MTHFD1L: variants seen among roughly 807,000 people sequenced by gnomAD.
MTHFD1L encodes the protein monofunctional C1-tetrahydrofolate synthase, mitochondrial.
Under a neutral mutation model 119.5 loss-of-function variants are expected in MTHFD1L, and 81 were observed. The ratio of observed to expected loss-of-function variants is 0.68; its 90% confidence interval spans 0.57 to 0.82. MTHFD1L has a LOEUF of 0.82. MTHFD1L is among the 40% of genes least tolerant of loss of function. The pLI is 0.00. For missense variants in MTHFD1L, 1,125 were observed against 1,253.4 expected (o/e 0.90, Z 1.55); for synonymous variants, 430 against 475.2 (o/e 0.90, Z 1.24).
chr6:150,989,046 G>A (rs549485693), intron 20 of MTHFD1L, among the ~76,000 whole-genome samples: 2 of 152,162 alleles, frequency 1.3e-5, no homozygotes, highest in Non-Finnish European at 2.9e-5. Context: ...GGCCTATTAG[G>A]GATCTCTAAA....
intron 26 of MTHFD1L, among the ~76,000 whole-genome samples, chr6:151,091,727 G>A (rs188822732): frequency 4.1e-4 from 62 of 152,256 alleles, no homozygotes; most frequent in African/African-American, 1.4e-3. Flanking sequence ...AAAAGCAGTC[G>A]TAGGGGTGGC....
chr6:151,014,474 T>C (rs1782720398), intron 22 of MTHFD1L, among the ~76,000 whole-genome samples: 1 of 152,226 alleles, frequency 6.6e-6, no homozygotes, highest in Admixed American at 6.5e-5. Flanking sequence ...GCTTACTCTT[T>C]TCTGTAAATA....
intron 13 of MTHFD1L, among the ~76,000 whole-genome samples, chr6:150,940,650 G>A (rs1011902192): frequency 8.6e-5 from 13 of 151,982 alleles, no homozygotes; most frequent in Non-Finnish European, 1.6e-4. Flanking sequence ...GTGCAATCTC[G>A]GCTCGCTGCA....
chr6:151,033,854 T>C (rs1646807320), intron 24 of MTHFD1L, among the ~76,000 whole-genome samples: 2 of 152,192 alleles, frequency 1.3e-5, no homozygotes. Flanking sequence ...GGGAGACTCC[T>C]GTCCTGACAT....
chr6:151,003,542 AG>A (rs1554276929), intron 20 of MTHFD1L, among the ~76,000 whole-genome samples: 1 of 151,718 alleles, frequency 6.6e-6, no homozygotes, highest in African/African-American at 2.4e-5. Flanking sequence ...CCAAAAAAAA[AG>A]GGGGGAAAGG....
chr6:150,921,918 T>G (rs1379819848), intron 9 of MTHFD1L, among the ~76,000 whole-genome samples: 2 of 152,226 alleles, frequency 1.3e-5, no homozygotes, highest in African/African-American at 4.8e-5. Flanking sequence ...ATCAAGTTCA[T>G]GCATGCATAT....
intron 17 of MTHFD1L, chr6:150,959,336 C>A: frequency 3.0e-6 from 1 of 330,890 alleles, no homozygotes; most frequent in Non-Finnish European, 4.3e-6. Context: ...ACTTGTCTGG[C>A]TCACACTCCC....
chr6:150,931,157 G>A (rs1790958842), intron 11 of MTHFD1L, among the ~76,000 whole-genome samples: 2 of 151,856 alleles, frequency 1.3e-5, no homozygotes, highest in Non-Finnish European at 2.9e-5. Flanking sequence ...GAAGTTTCTA[G>A]AATTTCCCTG....
At chr6:150,921,363 G>A (rs13209222) in intron 9 of MTHFD1L, among the ~76,000 whole-genome samples, 11,898 of 152,058 alleles carry the variant, frequency 0.078, 656 homozygotes, top group East Asian at 0.2. Context: ...AGTTGATCCC[G>A]CCTACCTCAG....
chr6:150,902,259 G>A (rs1046737763), intron 7 of MTHFD1L, among the ~76,000 whole-genome samples: 11 of 151,970 alleles, frequency 7.2e-5, no homozygotes, highest in African/African-American at 2.2e-4. Context: ...GAGAAAATTC[G>A]TCTTCATGTT....
At chr6:151,062,067 A>G (rs142417409) in intron 26 of MTHFD1L, among the ~76,000 whole-genome samples, 2 of 152,290 alleles carry the variant, frequency 1.3e-5, no homozygotes, top group Non-Finnish European at 2.9e-5. Flanking sequence ...CCTGGAAGGA[A>G]TTTCTAAGCA....
intron 26 of MTHFD1L, among the ~76,000 whole-genome samples, chr6:151,090,944 GTTCCATGCGA>G (rs1794340754): frequency 1.0e-5 from 1 of 98,864 alleles, no homozygotes. Flanking sequence ...GTGCAGCATC[GTTCCATGCGA>G]CTGGGTGCAG....
At chr6:150,950,461 G>A (rs1278453660) in intron 16 of MTHFD1L, among the ~76,000 whole-genome samples, 1 of 152,208 alleles carries the variant, frequency 6.6e-6, no homozygotes, top group Non-Finnish European at 1.5e-5. Flanking sequence ...AAAGACCAGA[G>A]ACTGAGCGTT....
chr6:150,881,072 G>A (rs1781321706), intron 4 of MTHFD1L, among the ~76,000 whole-genome samples: 1 of 152,128 alleles, frequency 6.6e-6, no homozygotes, highest in Non-Finnish European at 1.5e-5. Context: ...GCTTTGCTAT[G>A]AAGAATGTTT....
chr6:151,038,920 C>T (rs1208633096), intron 26 of MTHFD1L, among the ~76,000 whole-genome samples: 3 of 152,140 alleles, frequency 2.0e-5, no homozygotes, highest in Non-Finnish European at 4.4e-5. Context: ...CTGGCTTGAA[C>T]AGAGAGAGCT....
At chr6:151,021,182 T>C (rs1488737615) in intron 24 of MTHFD1L, among the ~76,000 whole-genome samples, 1 of 152,220 alleles carries the variant, frequency 6.6e-6, no homozygotes, top group Admixed American at 6.5e-5. Flanking sequence ...TGTCTGACAG[T>C]GACACCAACT....
At chr6:150,870,044 A>T (rs1779136015) in intron 1 of MTHFD1L, among the ~76,000 whole-genome samples, 1 of 152,160 alleles carries the variant, frequency 6.6e-6, no homozygotes, top group Admixed American at 6.5e-5. Context: ...TGTTGGGATT[A>T]CAGGCATGAG....
At chr6:151,042,062 C>G (rs1295843096) in intron 26 of MTHFD1L, 2 of 344,870 alleles carry the variant, frequency 5.8e-6, no homozygotes, top group Non-Finnish European at 1.2e-5. Flanking sequence ...ATACTATTAA[C>G]TGGTGTAACA....
At chr6:150,899,658 T>C (rs1159002044) in intron 7 of MTHFD1L, among the ~76,000 whole-genome samples, 1 of 152,110 alleles carries the variant, frequency 6.6e-6, no homozygotes, top group Non-Finnish European at 1.5e-5. Context: ...AAATACAAAG[T>C]TAGACATTCA....
Sources: gnomAD v4.1 joint callset for allele counts (sites outside exome capture counted in the v4.1 genomes callset) on GRCh38, gnomAD v4.1.1 for gene constraint, MANE v1.5 for transcripts, NCBI Gene and HGNC (gene_info 2026-07-23, HGNC 2026-07-21) for gene names.